The following CRYM variants were observed in gnomAD, a reference collection of about 807,000 sequenced individuals.
The protein encoded by CRYM is crystallin mu.
CRYM carries 18 observed loss-of-function variants against 32.9 expected under a neutral mutation model. That is an observed-to-expected ratio of 0.55 (90% CI 0.38 to 0.81). CRYM has a LOEUF of 0.81. Ranked by LOEUF, CRYM falls within the 30% of genes least tolerant of loss-of-function variation. The probability of loss-of-function intolerance (pLI) is 0.00; values close to 1 mark genes in which losing one functional copy is unlikely to be tolerated. For synonymous variants in CRYM, 153 were observed against 152.4 expected, an observed-to-expected ratio of 1.00 and a Z score of -0.03; for missense variants, 337 against 393.5, an observed-to-expected ratio of 0.86 and a Z score of 1.21.
At chr16:21,269,703 G>T in intron 4 of CRYM, 87 bp downstream of exon 4, 1 of 900,324 alleles carries the variant, frequency 1.1e-6, no homozygotes. Context: ...AATTATTTCA[G>T]AATAACCTGT....
At chr16:21,265,595 T>A (rs1306613699) in intron 5 of CRYM, among the ~76,000 whole-genome samples, 1 of 152,216 alleles carries the variant, frequency 6.6e-6, no homozygotes, top group Non-Finnish European at 1.5e-5. Flanking sequence ...CCAGTGACCT[T>A]GACTGCCTGG....
rs1434974252 is a variant in CRYM, at chr16:21,277,582, T to G, written c.173A>C (p.Tyr58Ser). The change falls in exon 2 of 8, where the codon TAC (tyrosine) becomes TCC (serine). Residue 58 changes from tyrosine (Y) to serine (S), a missense_variant and splice_region_variant. Tyr to Ser is a moderately radical substitution (Grantham distance 144, BLOSUM62 -2). Coordinates refer to ENST00000572914, the MANE Select transcript of CRYM (RefSeq NM_001376256.1). This position sits in a 1 kb window ranked among gnomAD's most constrained non-coding sequence, Gnocchi z 4.2. The part of the protein sequence containing the change: ...TVVPVTKHRG[Y>S]LGVMPAYSAA... ...ACTGTAGGCGGGCATGACCCCCAGGTAGCTACAAGGAGAGAGGGAGCAGCT... is the reference window on the plus strand; with the variant it reads ...ACTGTAGGCGGGCATGACCCCCAGGGAGCTACAAGGAGAGAGGGAGCAGCT... 1 of 1,613,738 alleles carries G rather than the reference T, an allele frequency of 6.2e-7. No individual in the cohort carries two copies. The highest frequency in any genetic ancestry group is 1.3e-5 in the African/African-American group (1 of 75,002).
intron 1 of CRYM, among the ~76,000 whole-genome samples, chr16:21,302,687 C>T (rs555697930): frequency 2.0e-5 from 3 of 152,264 alleles, no homozygotes; most frequent in South Asian, 2.1e-4. Context: ...AATTGGCTCT[C>T]AGGGAAGTTA....
At chr16:21,298,852 A>G (rs1448865735) in intron 1 of CRYM, among the ~76,000 whole-genome samples, 1 of 152,252 alleles carries the variant, frequency 6.6e-6, no homozygotes, top group African/African-American at 2.4e-5. Context: ...TAAGACTAAC[A>G]TTAAGAAAAA....
At chr16:21,273,767 T>C (rs1410479282) in intron 3 of CRYM, among the ~76,000 whole-genome samples, 1 of 152,222 alleles carries the variant, frequency 6.6e-6, no homozygotes, top group Non-Finnish European at 1.5e-5. Flanking sequence ...CAGAAACTCG[T>C]AGTCCAGACA....
chr16:21,271,478 A>T (rs754016067), intron 3 of CRYM, among the ~76,000 whole-genome samples: 6 of 152,170 alleles, frequency 3.9e-5, no homozygotes, highest in Non-Finnish European at 7.3e-5. Flanking sequence ...TTAACTACTA[A>T]TTACTAGCAA....
At chr16:21,293,499 A>C (rs1471699580) in intron 1 of CRYM, among the ~76,000 whole-genome samples, 1 of 152,374 alleles carries the variant, frequency 6.6e-6, no homozygotes, top group South Asian at 2.1e-4. Context: ...CTAGTCAATC[A>C]AAATCCTGGT....
chr16:21,267,218 C>T (rs1249167256), intron 5 of CRYM, among the ~76,000 whole-genome samples: 2 of 151,876 alleles, frequency 1.3e-5, no homozygotes, highest in Admixed American at 6.6e-5. Context: ...ATGCCTCAGC[C>T]TCATGAGTAG....
At chr16:21,296,375 G>C (rs1316833693) in intron 1 of CRYM, among the ~76,000 whole-genome samples, 1 of 152,172 alleles carries the variant, frequency 6.6e-6, no homozygotes, top group African/African-American at 2.4e-5. Context: ...ACTTGTCAGG[G>C]AGAAATAAGG....
intron 3 of CRYM, among the ~76,000 whole-genome samples, chr16:21,272,407 T>C (rs2093377461): frequency 6.6e-6 from 1 of 152,208 alleles, no homozygotes; most frequent in Non-Finnish European, 1.5e-5. Flanking sequence ...CCAGCCATAC[T>C]GGCTTCCTTG....
At chr16:21,262,007 C>G in intron 6 of CRYM, 30 bp downstream of exon 6, 1 of 1,613,110 alleles carries the variant, frequency 6.2e-7, no homozygotes, top group Non-Finnish European at 8.5e-7. Flanking sequence ...AGCCAGGTGG[C>G]AGCCCTGACT....
chr16:21,290,239 C>T (rs961746682), intron 1 of CRYM, among the ~76,000 whole-genome samples: 2 of 152,184 alleles, frequency 1.3e-5, no homozygotes, highest in East Asian at 3.9e-4. Context: ...GTCCACACTA[C>T]CTTTGTGAAC....
intron 5 of CRYM, 86 bp from the exon 6 acceptor site, chr16:21,262,244 A>C (rs1198644300): frequency 1.2e-5 from 18 of 1,560,616 alleles, no homozygotes; most frequent in Non-Finnish European, 1.4e-5. Context: ...AGGTGAACAA[A>C]GGACTCGTGA....
rs1179436520 is a variant in CRYM at position 21,273,888 on chromosome 16, C to T, written c.387+1644G>A. On this transcript the variant is annotated intron_variant, in intron 3 of 7. Transcript: ENST00000572914. ...AAACATAGCAAGGAGTCCTTGATTA[C>T]TTCAGTTGAGTCAGGTCTGGATATA... Among the ~76,000 whole-genome samples the T allele has an allele frequency of 2.0e-5, 3 of 152,234 alleles. No homozygotes were observed. In the East Asian group the frequency reaches 5.8e-4, roughly 29 times the overall value.
Position 21,272,905 on chromosome 16 carries a change from T to A in CRYM, c.387+2627A>T, listed in dbSNP as rs538539070. Among the ~76,000 whole-genome samples the A allele has an allele frequency of 6.0e-4, 86 of 143,178 alleles. 1 individual carries two copies. The South Asian group carries it at 0.018, about 29-fold the overall frequency. 93.9% of individuals were successfully genotyped at this position (143,178 alleles called of 152,430 possible). A position where few individuals can be genotyped will look rare whatever the true frequency, so the allele number is the denominator to read the frequency against. ...CTGGTCTTGAACTCCTGACCTCAGGTAATCTGCCTGCCTCAGCCTCCCAAA... is the reference window on the plus strand; with the variant it reads ...CTGGTCTTGAACTCCTGACCTCAGGAAATCTGCCTGCCTCAGCCTCCCAAA... On this transcript the variant is annotated intron_variant, in intron 3 of 7. Transcript: ENST00000572914.
At chr16:21,262,414 T>C in intron 5 of CRYM, 3 of 403,080 alleles carry the variant, frequency 7.4e-6, no homozygotes, top group Non-Finnish European at 4.7e-6. Flanking sequence ...AGCCAGGAGT[T>C]TGAGACTAGC....
intron 5 of CRYM, 44 bp downstream of exon 5, chr16:21,267,510 G>T: frequency 1.2e-6 from 2 of 1,600,656 alleles, no homozygotes; most frequent in Non-Finnish European, 8.6e-7. Context: ...CTAGAGAGGA[G>T]CCTGGCCACC....
In CRYM at chr16:21,277,385, C is replaced by G; in HGVS notation, c.324+46G>C. 6.2e-7 allele frequency: 1 copy of G among 1,605,004 alleles called. No homozygotes were observed. Among genetic ancestry groups the G allele is most frequent in the Non-Finnish European group, 8.5e-7 (1 of 1,177,280 alleles). On this transcript the variant is annotated intron_variant, in intron 2 of 7. Transcript: ENST00000572914. The surrounding 1 kb of genome is among the most constrained non-coding windows in gnomAD (Gnocchi z 4.2). Reference sequence around the variant, plus strand: ...GGAGAACTTACTTTTGAGCTTCAATCTGGGCCCAGGGGCCCCATTCCACCC... The same window carrying G: ...GGAGAACTTACTTTTGAGCTTCAATGTGGGCCCAGGGGCCCCATTCCACCC...
upstream of CRYM, among the ~76,000 whole-genome samples, chr16:21,281,101 TCTCTCTCA>T (rs1042705851): frequency 1.5e-5 from 2 of 130,300 alleles, no homozygotes; most frequent in Non-Finnish European, 3.2e-5. Flanking sequence ...TGATTCTCTC[TCTCTCTCA>T]CTCTCTCTCT....
Sources: gnomAD v4.1 joint callset for allele counts (sites outside exome capture counted in the v4.1 genomes callset) on GRCh38, gnomAD v4.1.1 for gene constraint, Gnocchi (gnomAD v3.1) non-coding constraint, MANE v1.5 for transcripts, NCBI Gene and HGNC (gene_info 2026-07-23, HGNC 2026-07-21) for gene names.